GRIA3: variants seen among roughly 807,000 people sequenced by gnomAD.
GRIA3 encodes the protein glutamate receptor 3.
Under a neutral mutation model 63.0 loss-of-function variants are expected in GRIA3, and 3 were observed. The ratio of observed to expected loss-of-function variants is 0.05; its 90% CI spans 0.02 to 0.12. The LOEUF (loss-of-function observed/expected upper bound fraction) is 0.12, where lower values mean the gene tolerates loss of function less well. Among genes scored for constraint, GRIA3 ranks in the 10% least tolerant of loss-of-function variants. The pLI is 1.00. For synonymous variants in GRIA3, 274 were observed against 257.9 expected, an observed-to-expected ratio of 1.06 and a Z score of -0.60; for missense variants, 347 against 700.9, an observed-to-expected ratio of 0.50 and a Z score of 5.70.
intron 3 of GRIA3, among the ~76,000 whole-genome samples, chrX:123,262,768 G>A (rs1194149074): frequency 9.0e-6 from 1 of 111,547 alleles, no homozygotes; most frequent in Non-Finnish European, 1.9e-5. Flanking sequence ...TTTCATGATA[G>A]GCAGGCTGGA....
chrX:123,362,286 G>C (rs932618317), intron 5 of GRIA3, among the ~76,000 whole-genome samples: 5 of 111,904 alleles, frequency 4.5e-5, no homozygotes, highest in Non-Finnish European at 7.5e-5. Context: ...AACAGGTGCT[G>C]GGACAATGAA....
intron 3 of GRIA3, among the ~76,000 whole-genome samples, chrX:123,303,274 C>T (rs578259293): frequency 9.0e-6 from 1 of 110,713 alleles, no homozygotes; most frequent in African/African-American, 3.3e-5. Context: ...TTTGGTTCAG[C>T]TAGGAAGGCT....
chrX:123,417,145 A>T (rs2045540859), intron 10 of GRIA3, among the ~76,000 whole-genome samples: 1 of 112,246 alleles, frequency 8.9e-6, no homozygotes, highest in Non-Finnish European at 1.9e-5. Flanking sequence ...AGGAAAAGAA[A>T]GCAGAGTCGG....
chrX:123,196,208 C>T lies in GRIA3; in HGVS notation c.268+10218C>T, dbSNP rs151025907. ...CTTCCCATATACTCTGAGAAAGAGG[C>T]TCACCAACTTTAGACCAGGGTCTAA... On this transcript the variant is annotated intron_variant, in intron 2 of 15. Coordinates refer to ENST00000620443, the MANE Select transcript of GRIA3 (RefSeq NM_007325.5). Among the ~76,000 whole-genome samples the T allele has an allele frequency of 8.4e-4, 94 of 111,614 alleles. 1 individual carries two copies. The East Asian group carries it at 0.026, about 31-fold the overall frequency.
intron 12 of GRIA3, among the ~76,000 whole-genome samples, chrX:123,442,784 G>T (rs1841286257): frequency 9.0e-6 from 1 of 110,535 alleles, no homozygotes. Context: ...TTACAACACA[G>T]GTAACCAAGA....
intron 5 of GRIA3, among the ~76,000 whole-genome samples, chrX:123,356,056 A>G (rs2045131538): frequency 9.0e-6 from 1 of 111,684 alleles, no homozygotes; most frequent in Non-Finnish European, 1.9e-5. Flanking sequence ...TTTTAGAAGA[A>G]GAAATCTTGA....
chrX:123,395,575 T>G (rs1294891141), intron 6 of GRIA3, among the ~76,000 whole-genome samples: 1 of 111,704 alleles, frequency 9.0e-6, no homozygotes, highest in Non-Finnish European at 1.9e-5. Context: ...TAATAAAGAG[T>G]GTACATTGCC....
At chrX:123,341,266 A>G (rs1460943906) in intron 4 of GRIA3, among the ~76,000 whole-genome samples, 1 of 112,282 alleles carries the variant, frequency 8.9e-6, no homozygotes, top group African/African-American at 3.2e-5. Context: ...AAATGTGGTC[A>G]TTTTGTGTAT....
intron 3 of GRIA3, among the ~76,000 whole-genome samples, chrX:123,305,199 G>A (rs911503111): frequency 3.6e-5 from 4 of 111,058 alleles, no homozygotes; most frequent in African/African-American, 1.3e-4. Flanking sequence ...CTGTTTTCAC[G>A]TCGAGTTTAT....
intron 14 of GRIA3, among the ~76,000 whole-genome samples, chrX:123,480,402 A>G (rs535814414): frequency 3.6e-5 from 4 of 111,922 alleles, no homozygotes; most frequent in Non-Finnish European, 7.5e-5. Flanking sequence ...AGGAAACTCA[A>G]TCTGGCCTAC....
intron 3 of GRIA3, among the ~76,000 whole-genome samples, chrX:123,267,114 T>A (rs1366060997): frequency 8.9e-6 from 1 of 112,116 alleles, no homozygotes; most frequent in South Asian, 3.8e-4. Context: ...CAATAGTGCC[T>A]GGATTATTAT....
chrX:123,202,209 G>A (rs1275180831), intron 2 of GRIA3, among the ~76,000 whole-genome samples: 1 of 111,896 alleles, frequency 8.9e-6, no homozygotes, highest in Non-Finnish European at 1.9e-5. Context: ...ATTATATCCC[G>A]TCAGGTACTC....
chrX:123,317,851 G>A (rs1038746901), intron 3 of GRIA3, among the ~76,000 whole-genome samples: 6 of 112,645 alleles, frequency 5.3e-5, no homozygotes, highest in African/African-American at 1.9e-4. Context: ...GGGACTCTGT[G>A]TAGGGGCTCT....
intron 3 of GRIA3, among the ~76,000 whole-genome samples, chrX:123,317,850 T>C (rs774346187): frequency 1.8e-5 from 2 of 112,670 alleles, no homozygotes; most frequent in East Asian, 5.6e-4. Context: ...AGGGACTCTG[T>C]GTAGGGGCTC....
intron 2 of GRIA3, among the ~76,000 whole-genome samples, chrX:123,193,322 A>G (rs758892429): frequency 4.4e-4 from 49 of 111,491 alleles, no homozygotes; most frequent in African/African-American, 1.6e-3. Flanking sequence ...AAGAGAGCGA[A>G]GGTTGGCATG....
At chrX:123,412,216 T>C (rs957933270) in intron 10 of GRIA3, among the ~76,000 whole-genome samples, 1 of 111,810 alleles carries the variant, frequency 8.9e-6, no homozygotes, top group African/African-American at 3.3e-5. Context: ...GCTAGTTAGT[T>C]ACAGGGTGGA....
intron 5 of GRIA3, among the ~76,000 whole-genome samples, chrX:123,376,210 G>A (rs1369212086): frequency 9.0e-6 from 1 of 111,552 alleles, no homozygotes; most frequent in African/African-American, 3.3e-5. Flanking sequence ...CCTGCACCTT[G>A]CACACTTTAT....
At chrX:123,375,399 T>C (rs920704276) in intron 5 of GRIA3, among the ~76,000 whole-genome samples, 15 of 112,002 alleles carry the variant, frequency 1.3e-4, no homozygotes, top group Non-Finnish European at 3.8e-5. Flanking sequence ...CTAGCTTTCT[T>C]TTTTTGATGT....
At position 123,210,575 on chromosome X, in the gene GRIA3, G is replaced by T. The variant is rs746598993; in HGVS notation, c.268+24585G>T. ...AGTTTCTTCCTCAGTAAAATAAAGG[G>T]TTTAGACAGGGTAATATCCAATGTC... On this transcript the variant is annotated intron_variant, in intron 2 of 15. Transcript: ENST00000620443. 4.5e-5 allele frequency among the ~76,000 whole-genome samples: 5 copies of T among 111,298 alleles called. No homozygotes were observed. The East Asian group carries it at 1.4e-3, about 31-fold the overall frequency.
Sources: allele counts gnomAD v4.1 joint callset (sites outside exome capture counted in the v4.1 genomes callset), GRCh38; gene constraint gnomAD v4.1.1; transcripts MANE v1.5; gene names NCBI Gene and HGNC (gene_info 2026-07-23, HGNC 2026-07-21).